The following FAM135B variants were observed in gnomAD, a reference collection of about 807,000 sequenced individuals.
The protein encoded by FAM135B is protein FAM135B.
Under a neutral mutation model 127.7 loss-of-function variants are expected in FAM135B, and 43 were observed. That is an observed-to-expected ratio of 0.34 (90% CI 0.26 to 0.43). The LOEUF is 0.43. Ranked by LOEUF, FAM135B falls within the 20% of genes least tolerant of loss-of-function variation. The probability of loss-of-function intolerance (pLI) is 1.00; values close to 1 mark genes in which losing one functional copy is unlikely to be tolerated. For missense variants in FAM135B, 1,558 were observed against 1,725.6 expected (o/e 0.90, Z 1.72); for synonymous variants, 670 against 665.1 (o/e 1.01, Z -0.11).
chr8:138,427,568 C>T (rs1053196537), intron 1 of FAM135B, among the ~76,000 whole-genome samples: 3 of 151,886 alleles, frequency 2.0e-5, no homozygotes, highest in Non-Finnish European at 4.4e-5. Flanking sequence ...CAACAACTTG[C>T]CAGCATAATA....
rs755707043 is a variant in FAM135B at position 138,250,972 on chromosome 8, C to A, written c.411G>T (p.Thr137=). ...VAGAPMVSSR[T]LGLHFHPRNG... Reference sequence around the variant, plus strand: ...TCCGGGGGTGGAAGTGCAGGCCAAGCGTTCGGCTGCTGACCATCGGTGCCC... The same window carrying A: ...TCCGGGGGTGGAAGTGCAGGCCAAGAGTTCGGCTGCTGACCATCGGTGCCC... Residue 137 remains threonine, a synonymous_variant, in exon 6 of 20, where the codon ACG becomes ACT. Coordinates refer to ENST00000395297, the MANE Select transcript of FAM135B (RefSeq NM_015912.4). The A allele has an allele frequency of 2.5e-6, 4 of 1,613,998 alleles. No individual in the cohort carries two copies. Among genetic ancestry groups the A allele is most frequent in the Non-Finnish European group, 3.4e-6 (4 of 1,180,008 alleles).
intron 2 of FAM135B, among the ~76,000 whole-genome samples, chr8:138,358,142 C>T (rs371580276): frequency 7.9e-5 from 12 of 152,042 alleles, no homozygotes; most frequent in South Asian, 6.2e-4. Flanking sequence ...TTCACTACCA[C>T]GAGAAAAGCC....
chr8:138,405,318 C>T (rs1833410153), intron 1 of FAM135B, among the ~76,000 whole-genome samples: 2 of 150,860 alleles, frequency 1.3e-5, no homozygotes, highest in Admixed American at 1.3e-4. Context: ...GTGCTGCACC[C>T]ATTAACTCGT....
At chr8:138,258,856 C>T (rs1406190373) in intron 4 of FAM135B, among the ~76,000 whole-genome samples, 1 of 147,722 alleles carries the variant, frequency 6.8e-6, no homozygotes, top group Non-Finnish European at 1.5e-5. Context: ...AATGATTTTC[C>T]TTTATTCTGC....
At chr8:138,432,285 A>G (rs974900697) in intron 1 of FAM135B, among the ~76,000 whole-genome samples, 3 of 152,178 alleles carry the variant, frequency 2.0e-5, no homozygotes, top group Admixed American at 6.5e-5. Context: ...GCCCTGAATG[A>G]TAAGAATGAA....
intron 1 of FAM135B, among the ~76,000 whole-genome samples, chr8:138,410,807 C>A (rs150332083): frequency 1.3e-5 from 2 of 152,168 alleles, no homozygotes; most frequent in East Asian, 1.9e-4. Context: ...GAAAATAAAT[C>A]ATTTTACCAA....
intron 1 of FAM135B, among the ~76,000 whole-genome samples, chr8:138,408,720 G>C (rs1039348200): frequency 2.0e-5 from 3 of 152,078 alleles, no homozygotes; most frequent in Middle Eastern, 3.2e-3. Context: ...AGAGCACAGG[G>C]GAACTGCCAC....
rs574989613 is a variant in FAM135B, at chr8:138,345,012, T to C, written c.77+22895A>G. On this transcript the variant is annotated intron_variant, in intron 2 of 19. Transcript: ENST00000395297. ...TGATGCTCCGGAAGAGCAGGGACTG[T>C]TCTGTTTGGGTCATAACCATGAAAG... Among the ~76,000 whole-genome samples the C allele has an allele frequency of 2.6e-5, 4 of 152,336 alleles. No homozygotes were observed. In the East Asian group the frequency reaches 5.8e-4, roughly 22 times the overall value.
chr8:138,383,816 C>T (rs953262008), intron 1 of FAM135B, among the ~76,000 whole-genome samples: 5 of 152,132 alleles, frequency 3.3e-5, no homozygotes, highest in South Asian at 2.1e-4. Flanking sequence ...GTATAAACAC[C>T]GTTCCAATCA....
chr8:138,147,918 GT>G (rs1428713316), intron 14 of FAM135B, among the ~76,000 whole-genome samples: 1 of 152,170 alleles, frequency 6.6e-6, no homozygotes, highest in Non-Finnish European at 1.5e-5. Context: ...GAGTGAGAAA[GT>G]TTTTTTGTTC....
intron 7 of FAM135B, 125 bp from the exon 8 acceptor site, chr8:138,197,794 A>T: frequency 4.9e-6 from 5 of 1,028,512 alleles, no homozygotes; most frequent in Non-Finnish European, 7.1e-6. Flanking sequence ...GGAAGGAAGC[A>T]GACCCCATCC....
At chr8:138,265,654 C>T (rs2130626791) in intron 4 of FAM135B, 49 bp downstream of exon 4, 1 of 1,604,444 alleles carries the variant, frequency 6.2e-7, no homozygotes, top group Non-Finnish European at 8.5e-7. Flanking sequence ...GAGAGAACAG[C>T]CATGATAGGG....
chr8:138,422,855 T>A (rs999697709), intron 1 of FAM135B, among the ~76,000 whole-genome samples: 3 of 152,186 alleles, frequency 2.0e-5, no homozygotes, highest in Non-Finnish European at 2.9e-5. Flanking sequence ...AAAAGACATG[T>A]AATTTACATA....
chr8:138,496,765 TGCG>T lies in FAM135B; in HGVS notation c.-117_-115del, dbSNP rs901677471. The T allele has an allele frequency of 2.7e-4, 41 of 153,760 alleles. No homozygotes were observed. Among genetic ancestry groups the T allele is most frequent in the South Asian group, 1.2e-3 (6 of 5,194 alleles). 9.5% of individuals were successfully genotyped at this position (153,760 alleles called of 1,614,324 possible). On this transcript the variant is annotated 5_prime_UTR_variant, in exon 1 of 20. Transcript: ENST00000395297. ...TTCGCCGTCTCTGGCCGCCAACAGTTGCGGCGGCGGCGGCGGCGGGCGGACTGG... is the reference window on the plus strand; with the variant it reads ...TTCGCCGTCTCTGGCCGCCAACAGTTGCGGCGGCGGCGGCGGGCGGACTGG...
At chr8:138,412,089 G>A (rs762429320) in intron 1 of FAM135B, among the ~76,000 whole-genome samples, 1 of 152,170 alleles carries the variant, frequency 6.6e-6, no homozygotes, top group Non-Finnish European at 1.5e-5. Context: ...AGGAGGGCAA[G>A]GGCTGAAAAA....
chr8:138,313,617 C>CAAAGTGCTGGGCGT (rs1826855809), intron 2 of FAM135B, among the ~76,000 whole-genome samples: 1 of 150,136 alleles, frequency 6.7e-6, no homozygotes, highest in Non-Finnish European at 1.5e-5. Context: ...GATCCTCCCA[C>CAAAGTGCTGGGCGT]TTCGGCTCCC....
intron 3 of FAM135B, among the ~76,000 whole-genome samples, chr8:138,284,176 T>C (rs1824491920): frequency 6.6e-6 from 1 of 152,228 alleles, no homozygotes; most frequent in Admixed American, 6.5e-5. Context: ...ACCTCTTGCA[T>C]ACGGCAAAAA....
chr8:138,444,841 C>CA (rs938344591), intron 1 of FAM135B, among the ~76,000 whole-genome samples: 11 of 151,950 alleles, frequency 7.2e-5, no homozygotes, highest in African/African-American at 2.2e-4. Context: ...AAAAACCCTT[C>CA]AAAAAAATCA....
chr8:138,187,551 C>G (rs1815694674), intron 9 of FAM135B, among the ~76,000 whole-genome samples: 1 of 152,182 alleles, frequency 6.6e-6, no homozygotes, highest in South Asian at 2.1e-4. Context: ...GTGTAAGTTT[C>G]TGTAACTCAC....
Sources: gnomAD v4.1 joint callset for allele counts (sites outside exome capture counted in the v4.1 genomes callset) on GRCh38, gnomAD v4.1.1 for gene constraint, MANE v1.5 for transcripts, NCBI Gene and HGNC (gene_info 2026-07-23, HGNC 2026-07-21) for gene names.